PHLPP2: variants seen among roughly 807,000 people sequenced by gnomAD.
PHLPP2 encodes the protein PH domain and leucine rich repeat protein phosphatase 2.
A neutral mutation model predicts 124.9 loss-of-function variants in PHLPP2; 66 were observed. That is an observed-to-expected ratio of 0.53 (90% CI 0.43 to 0.65). The LOEUF is 0.65. Among genes scored for constraint, PHLPP2 ranks in the 30% least tolerant of loss-of-function variants. The pLI is 0.00. For synonymous variants in PHLPP2, 681 were observed against 624.7 expected, an observed-to-expected ratio of 1.09 and a Z score of -1.34; for missense variants, 1,685 against 1,600.4, an observed-to-expected ratio of 1.05 and a Z score of -0.90.
chr16:71,664,339 T>TGTA, intron 12 of PHLPP2: 2 of 558,740 alleles, frequency 3.6e-6, no homozygotes, highest in South Asian at 2.2e-5. Context: ...TTCCCAGGCT[T>TGTA]CTGGAGTGCC....
chr16:71,723,724 C>G, intron 1 of PHLPP2: 1 of 967,222 alleles, frequency 1.0e-6, no homozygotes, highest in South Asian at 1.8e-5. Context: ...AGTCCGCTTG[C>G]CCGCTCGCCC....
chr16:71,645,481 G>A lies in PHLPP2; in HGVS notation c.*3409C>T, dbSNP rs1018211798. ...TTATTTAATAATTGGTACATTTATCGATAACAGCCAGCTGCTCCCTTATGG... is the reference window on the plus strand; with the variant it reads ...TTATTTAATAATTGGTACATTTATCAATAACAGCCAGCTGCTCCCTTATGG... On this transcript the variant is annotated 3_prime_UTR_variant, in exon 19 of 19. Coordinates refer to ENST00000568954, the MANE Select transcript of PHLPP2 (RefSeq NM_015020.3). 10 of 152,588 alleles carry A rather than the reference G, an allele frequency of 6.6e-5. No individual in the cohort carries two copies. Among genetic ancestry groups the A allele is most frequent in the South Asian group, 4.2e-4 (2 of 4,816 alleles). 9.5% of individuals were successfully genotyped at this position (152,588 alleles called of 1,614,324 possible). A position where few individuals can be genotyped will look rare whatever the true frequency, so the allele number is the denominator to read the frequency against.
chr16:71,697,034 G>A (rs2045178693), intron 3 of PHLPP2, among the ~76,000 whole-genome samples: 1 of 151,948 alleles, frequency 6.6e-6, no homozygotes, highest in Non-Finnish European at 1.5e-5. Flanking sequence ...AGCCAGCTGT[G>A]GTGGTGGGTT....
intron 13 of PHLPP2, among the ~76,000 whole-genome samples, chr16:71,661,880 G>T (rs1278214938): frequency 1.3e-5 from 2 of 152,004 alleles, no homozygotes; most frequent in African/African-American, 4.8e-5. Context: ...TGGAGTTGCA[G>T]TGATACGATC....
chr16:71,711,448 G>C (rs995619642), intron 2 of PHLPP2, among the ~76,000 whole-genome samples: 2 of 152,122 alleles, frequency 1.3e-5, no homozygotes, highest in Non-Finnish European at 2.9e-5. Flanking sequence ...ATTGAAAAAA[G>C]ATCTGGGTAA....
Position 71,694,344 on chromosome 16 carries a change from C to T in PHLPP2, c.419-3635G>A, listed in dbSNP as rs1356753585. 6.0e-5 allele frequency among the ~76,000 whole-genome samples: 9 copies of T among 149,684 alleles called. No individual in the cohort carries two copies. In the East Asian group the frequency reaches 1.8e-3, roughly 30 times the overall value. Reference sequence around the variant, plus strand: ...GGCATGGTGGCAGACACCTGTAATCCCAGCTACTCAGGAGGCTGAGGCAGG... The same window carrying T: ...GGCATGGTGGCAGACACCTGTAATCTCAGCTACTCAGGAGGCTGAGGCAGG... On this transcript the variant is annotated intron_variant, in intron 3 of 18. Transcript: ENST00000568954.
chr16:71,675,250 T>TA (rs1015288428), intron 9 of PHLPP2, among the ~76,000 whole-genome samples: 6 of 152,326 alleles, frequency 3.9e-5, no homozygotes, highest in Middle Eastern at 3.4e-3. Context: ...TACCTTTTTT[T>TA]AAATGTGATG....
intron 9 of PHLPP2, among the ~76,000 whole-genome samples, chr16:71,673,941 G>A (rs772049771): frequency 2.1e-4 from 32 of 152,068 alleles, no homozygotes; most frequent in Admixed American, 6.6e-4. Flanking sequence ...AAAAGGCAAC[G>A]CAAACAGAAG....
rs1226595362 is a variant in PHLPP2 at position 71,724,371 on chromosome 16, CCTT to C, written c.-52_-50del. 1 of 152,174 alleles carries C rather than the reference CCTT, an allele frequency of 6.6e-6. No homozygotes were observed. Among genetic ancestry groups the C allele is most frequent in the Non-Finnish European group, 1.5e-5 (1 of 68,050 alleles). The allele number at this position is 152,174 out of a possible 1,614,324, so 9.4% of individuals were successfully genotyped here. A position where few individuals can be genotyped will look rare whatever the true frequency, so the allele number is the denominator to read the frequency against. ...TCTTCCTTATCAGAGATGCGTGCGA[CCTT>C]CTTAAGCAAATTCAACCCAACCTCG... On this transcript the variant is annotated 5_prime_UTR_variant, in exon 1 of 19. Transcript: ENST00000568954.
chr16:71,694,431 T>C (rs1359120140), intron 3 of PHLPP2, among the ~76,000 whole-genome samples: 1 of 151,836 alleles, frequency 6.6e-6, no homozygotes, highest in Non-Finnish European at 1.5e-5. Flanking sequence ...ATTGCACTCC[T>C]ACCTGGGCAA....
chr16:71,691,322 A>T (rs1039938946), intron 3 of PHLPP2, among the ~76,000 whole-genome samples: 3 of 152,058 alleles, frequency 2.0e-5, no homozygotes, highest in Non-Finnish European at 4.4e-5. Context: ...TTAGCCGGGC[A>T]TGGTGGCGGA....
intron 7 of PHLPP2, 53 bp downstream of exon 7, chr16:71,679,336 G>A (rs1160849938): frequency 6.6e-7 from 1 of 1,508,574 alleles, no homozygotes; most frequent in East Asian, 2.3e-5. Flanking sequence ...CCAAACCCCA[G>A]GCAAGTTCCT....
rs2145295918 is a variant in PHLPP2, at chr16:71,645,616, CAGT to C, written c.*3271_*3273del. The C allele has an allele frequency of 6.5e-6, 1 of 153,156 alleles. No homozygotes were observed. The highest frequency in any genetic ancestry group is 2.1e-4 in the South Asian group (1 of 4,828). 9.5% of individuals were successfully genotyped at this position (153,156 alleles called of 1,614,324 possible). On this transcript the variant is annotated 3_prime_UTR_variant, in exon 19 of 19. Transcript: ENST00000568954. ...GGGAAGAAGAGCATCATTTGATATT[CAGT>C]AGATCTGCCACACCCAACTGGCTCC...
intron 9 of PHLPP2, among the ~76,000 whole-genome samples, chr16:71,672,770 C>T (rs532053647): frequency 1.3e-5 from 2 of 152,350 alleles, no homozygotes; most frequent in African/African-American, 4.8e-5. Context: ...TCCCTGGGAA[C>T]TGCCCCATGT....
intron 2 of PHLPP2, among the ~76,000 whole-genome samples, chr16:71,711,925 T>C (rs914237261): frequency 6.6e-6 from 1 of 152,220 alleles, no homozygotes; most frequent in Non-Finnish European, 1.5e-5. Flanking sequence ...TGAGGAAGTG[T>C]CACTGCTGCG....
intron 1 of PHLPP2, among the ~76,000 whole-genome samples, chr16:71,718,013 T>C (rs914332965): frequency 1.3e-5 from 2 of 152,122 alleles, no homozygotes; most frequent in African/African-American, 4.8e-5. Context: ...AGCCTCAGCC[T>C]TCAGAGTAGC....
Position 71,714,653 on chromosome 16 carries a change from G to A in PHLPP2, c.143C>T (p.Thr48Ile). 3 of 1,613,462 alleles carry A rather than the reference G, an allele frequency of 1.9e-6. No homozygotes were observed. Among genetic ancestry groups the A allele is most frequent in the Non-Finnish European group, 2.5e-6 (3 of 1,179,458 alleles). Residue 48 changes from threonine to isoleucine, a missense_variant, in exon 2 of 19, where the codon ACC (threonine) becomes ATC (isoleucine). By Grantham distance (89) the Thr-to-Ile change is moderately conservative. Coordinates refer to ENST00000568954, the MANE Select transcript of PHLPP2 (RefSeq NM_015020.3). ...ADTTTATTTT[T>I]TSSSSSSSSS... ...GGAGGAGGAAGAGGAAGAGGAGGTGGTGGTGGTTGTAGTGGCAGTGGTAGT... is the reference window on the plus strand; with the variant it reads ...GGAGGAGGAAGAGGAAGAGGAGGTGATGGTGGTTGTAGTGGCAGTGGTAGT...
rs2044662785 is a variant in PHLPP2 at position 71,647,615 on chromosome 16, C to T, written c.*1275G>A. The stretch of plus-strand genomic sequence containing the variant: ...TCACGTGGATGCAAGCAGTGTCAGC[C>T]TTGGGCCCCCGCTCCCCGCCCTTAG... On this transcript the variant is annotated 3_prime_UTR_variant, in exon 19 of 19. Transcript: ENST00000568954. The T allele has an allele frequency of 6.6e-6, 1 of 152,264 alleles. No homozygotes were observed. The highest frequency in any genetic ancestry group is 1.9e-4 in the East Asian group (1 of 5,200). 9.4% of individuals were successfully genotyped at this position (152,264 alleles called of 1,614,324 possible).
In PHLPP2 at chr16:71,715,300, T is replaced by C. The variant is rs189965800; in HGVS notation, c.-6-499A>G. On this transcript the variant is annotated intron_variant, in intron 1 of 18. Coordinates refer to ENST00000568954, the MANE Select transcript of PHLPP2 (RefSeq NM_015020.3). The stretch of plus-strand genomic sequence containing the variant: ...TGGAGAACAGATTGAACCCGGGAGA[T>C]TGAGGTTGCAGTGAGCCGTGATTGT... The C allele has an allele frequency of 2.6e-4, 40 of 154,818 alleles. No homozygotes were observed. In the South Asian group the frequency reaches 5.6e-3, roughly 22 times the overall value. The allele number at this position is 154,818 out of a possible 1,614,324, so 9.6% of individuals were successfully genotyped here. A position where few individuals can be genotyped will look rare whatever the true frequency, so the allele number is the denominator to read the frequency against.
Sources: allele counts gnomAD v4.1 joint callset (sites outside exome capture counted in the v4.1 genomes callset), GRCh38; gene constraint gnomAD v4.1.1; transcripts MANE v1.5; gene names NCBI Gene and HGNC (gene_info 2026-07-23, HGNC 2026-07-21).